Variants in STON1 observed in about 807,000 individuals in gnomAD.
STON1 encodes stonin-1.
Under a neutral mutation model 60.9 loss-of-function variants are expected in STON1, and 79 were observed. The ratio of observed to expected loss-of-function variants is 1.30; its 90% CI spans 1.08 to 1.56. STON1 has a LOEUF of 1.56. STON1 is among the 40% of genes most tolerant of loss of function. The pLI, the probability that STON1 is intolerant of heterozygous loss-of-function variation, is 0.00. For synonymous variants in STON1, 363 were observed against 306.9 expected, an observed-to-expected ratio of 1.18 and a Z score of -1.91; for missense variants, 1,166 against 858.9, an observed-to-expected ratio of 1.36 and a Z score of -4.47.
At chr2:48,574,863 T>C (rs749287740) in intron 1 of STON1, among the ~76,000 whole-genome samples, 1 of 152,254 alleles carries the variant, frequency 6.6e-6, no homozygotes, top group African/African-American at 2.4e-5. Context: ...TCAATTGTGG[T>C]AAATGAAACT....
intron 1 of STON1, among the ~76,000 whole-genome samples, chr2:48,532,346 CTAAATAAATAAA>C (rs10564346): frequency 0.16 from 21,933 of 134,370 alleles, 2,004 homozygotes; most frequent in Middle Eastern, 0.26. Flanking sequence ...AAGACTCTGT[CTAAATAAATAAA>C]TAAATAAATA....
intron 1 of STON1, among the ~76,000 whole-genome samples, chr2:48,542,765 G>A (rs574742172): frequency 3.3e-5 from 5 of 152,030 alleles, no homozygotes; most frequent in South Asian, 4.2e-4. Flanking sequence ...TTAGCCAGAC[G>A]TGGTGGCACA....
Position 48,581,456 on chromosome 2 carries a change from G to A in STON1, c.823G>A (p.Gly275Arg), listed in dbSNP as rs762623568. 22 of 1,614,012 alleles carry A rather than the reference G, an allele frequency of 1.4e-5. No individual in the cohort carries two copies. Among genetic ancestry groups the A allele is most frequent in the Middle Eastern group, 1.6e-4 (1 of 6,084 alleles). The stretch of plus-strand genomic sequence containing the variant: ...ACTCTTCAGGAGTCAGCCAAAATCC[G>A]GATGGTCTTTCATGCTGAGAATTCC... ...HTLFRSQPKSGWSFMLRIPEK... is the reference protein window; with the variant it reads ...HTLFRSQPKSRWSFMLRIPEK... The change falls in exon 2 of 4, where the codon GGA becomes AGA. Residue 275 changes from glycine to arginine, a missense_variant. By Grantham distance (125) the Gly-to-Arg change is moderately radical. Transcript: ENST00000404752.
rs1672432529 is a variant in STON1, at chr2:48,557,556, C to G, written c.-47-23031C>G. 1.7e-5 allele frequency among the ~76,000 whole-genome samples: 2 copies of G among 114,486 alleles called. 1 individual carries two copies. Among genetic ancestry groups the G allele is most frequent in the South Asian group, 6.6e-4 (2 of 3,044 alleles). 75.1% of individuals were successfully genotyped at this position (114,486 alleles called of 152,430 possible). On this transcript the variant is annotated intron_variant, in intron 1 of 3. Transcript: ENST00000404752. ...GTGGCGGCCGGGCAGAGGCTGCAATCTCGGCACTTTGGGAGGCCAAGGCAG... is the reference window on the plus strand; with the variant it reads ...GTGGCGGCCGGGCAGAGGCTGCAATGTCGGCACTTTGGGAGGCCAAGGCAG...
chr2:48,558,377 T>G (rs1672470519), intron 1 of STON1, among the ~76,000 whole-genome samples: 1 of 152,234 alleles, frequency 6.6e-6, no homozygotes, highest in Non-Finnish European at 1.5e-5. Context: ...TCAGCAGTAC[T>G]TGCCTGTGTC....
At chr2:48,551,858 C>T (rs562392920) in intron 1 of STON1, among the ~76,000 whole-genome samples, 3 of 152,336 alleles carry the variant, frequency 2.0e-5, no homozygotes, top group Admixed American at 6.5e-5. Flanking sequence ...TTGCTCCCAG[C>T]CTAGAGACCT....
At chr2:48,567,682 C>A (rs545668155) in intron 1 of STON1, among the ~76,000 whole-genome samples, 218 of 152,298 alleles carry the variant, frequency 1.4e-3, no homozygotes, top group African/African-American at 5.0e-3. Context: ...CGATTACAGG[C>A]GTGAGCCACT....
At chr2:48,582,706 C>G in intron 2 of STON1, 143 bp downstream of exon 2, 3 of 1,372,026 alleles carry the variant, frequency 2.2e-6, no homozygotes, top group African/African-American at 1.5e-5. Context: ...GAACATTTAG[C>G]TAAACAGCTG....
At chr2:48,564,563 T>TCTCCTC (rs1558605603) in intron 1 of STON1, among the ~76,000 whole-genome samples, 1 of 28,368 alleles carries the variant, frequency 3.5e-5, no homozygotes, top group African/African-American at 1.7e-4. Flanking sequence ...TTCTTCTTCT[T>TCTCCTC]CTTCTCCTTC....
intron 1 of STON1, among the ~76,000 whole-genome samples, chr2:48,576,190 T>A (rs1279316204): frequency 8.5e-6 from 1 of 117,188 alleles, no homozygotes; most frequent in Non-Finnish European, 1.8e-5. Flanking sequence ...CCTTTCTTTT[T>A]TTTTTTTTTT....
At chr2:48,549,772 C>G (rs1254048518) in intron 1 of STON1, among the ~76,000 whole-genome samples, 1 of 134,066 alleles carries the variant, frequency 7.5e-6, no homozygotes, top group Non-Finnish European at 1.5e-5. Context: ...AAGATTGTGT[C>G]ACTGCACTCC....
At position 48,581,066 on chromosome 2, in the gene STON1, C is replaced by A. The variant is rs1673851808; in HGVS notation, c.433C>A (p.Pro145Thr). 6.3e-7 allele frequency: 1 copy of A among 1,596,888 alleles called. No individual in the cohort carries two copies. Among genetic ancestry groups the A allele is most frequent in the African/African-American group, 1.3e-5 (1 of 74,390 alleles). The change falls in exon 2 of 4, where the codon CCA becomes ACA. Residue 145 changes from proline to threonine, a missense_variant. Physicochemically the swap from Pro to Thr is conservative, Grantham distance 38. Coordinates refer to ENST00000404752, the MANE Select transcript of STON1 (RefSeq NM_006873.4). ...LLPSDHSCTHPTPKVGLPDEV... is the reference protein window; with the variant it reads ...LLPSDHSCTHTTPKVGLPDEV... ...ACCCAGTGACCACTCATGTACACAT[C>A]CAACTCCCAAAGTAGGTCTTCCAGA...
chr2:48,564,487 TTCTTCTTCTTCTTCTTCTTC>T (rs1672795673), intron 1 of STON1, among the ~76,000 whole-genome samples: 2 of 20,994 alleles, frequency 9.5e-5, no homozygotes, highest in African/African-American at 1.9e-4. Flanking sequence ...TTCTTTCTTC[TTCTTCTTCTTCTTCTTCTTC>T]TTCTTCTTCT....
intron 1 of STON1, among the ~76,000 whole-genome samples, chr2:48,546,809 TC>T (rs373969310): frequency 2.0e-3 from 299 of 152,310 alleles, no homozygotes; most frequent in African/African-American, 6.7e-3. Flanking sequence ...CAAGCAATCT[TC>T]CTGCTTTGGC....
chr2:48,587,707 A>G lies in STON1; in HGVS notation c.1931-3946A>G, dbSNP rs573489178. ...TCAGGAATTCTTTTGTAAAACCGTC[A>G]TATCACCAGGCCCACAGAGGACAAC... On this transcript the variant is annotated intron_variant, in intron 2 of 3. Coordinates refer to ENST00000404752, the MANE Select transcript of STON1 (RefSeq NM_006873.4). Among the ~76,000 whole-genome samples, 4 of 152,344 alleles carry G rather than the reference A, an allele frequency of 2.6e-5. No individual in the cohort carries two copies. In the East Asian group the frequency reaches 7.7e-4, roughly 29 times the overall value.
intron 2 of STON1, among the ~76,000 whole-genome samples, chr2:48,591,298 A>G (rs1307792814): frequency 6.7e-6 from 1 of 150,356 alleles, no homozygotes; most frequent in Non-Finnish European, 1.5e-5. Context: ...TTTGCTAAAT[A>G]TAGTAATATT....
intron 1 of STON1, among the ~76,000 whole-genome samples, chr2:48,557,032 C>T (rs1672395773): frequency 1.0e-5 from 1 of 99,282 alleles, no homozygotes; most frequent in African/African-American, 3.8e-5. Context: ...GCTGACCCCC[C>T]ACCTCCCTCC....
Position 48,595,614 on chromosome 2 carries a change from T to G in STON1, c.*312T>G. The G allele has an allele frequency of 3.1e-6, 1 of 327,604 alleles. No individual in the cohort carries two copies. The highest frequency in any genetic ancestry group is 8.3e-5 in the East Asian group (1 of 12,078). The allele number at this position is 327,604 out of a possible 1,614,324, so 20.3% of individuals were successfully genotyped here. A position where few individuals can be genotyped will look rare whatever the true frequency, so the allele number is the denominator to read the frequency against. On this transcript the variant is annotated 3_prime_UTR_variant, in exon 4 of 4. Transcript: ENST00000404752. ...GCCAGTATGATTTTTGATTACTCAG[T>G]GGCTGACTGTTTTGCTCTCTGGATT...
chr2:48,560,129 C>T (rs368345481), intron 1 of STON1, among the ~76,000 whole-genome samples: 5 of 152,162 alleles, frequency 3.3e-5, no homozygotes, highest in Non-Finnish European at 7.4e-5. Context: ...TTTCACTTAT[C>T]CCCCCACTGA....
Sources: allele counts gnomAD v4.1 joint callset (sites outside exome capture counted in the v4.1 genomes callset), GRCh38; gene constraint gnomAD v4.1.1; transcripts MANE v1.5; gene names NCBI Gene and HGNC (gene_info 2026-07-23, HGNC 2026-07-21).